ZNF792: variants seen among roughly 807,000 people sequenced by gnomAD.
ZNF792 encodes the protein zinc finger protein 792.
Under a neutral mutation model 13.1 loss-of-function variants are expected in ZNF792, and 14 were observed. That is an observed-to-expected ratio of 1.07 (90% CI 0.71 to 1.67). The LOEUF (loss-of-function observed/expected upper bound fraction) is 1.67. ZNF792 is among the 40% of genes most tolerant of loss of function. The pLI, the probability that ZNF792 is intolerant of heterozygous loss-of-function variation, is 0.00. For missense variants in ZNF792, 740 were observed against 807.9 expected, an observed-to-expected ratio of 0.92 and a Z score of 1.02; for synonymous variants, 257 against 292.0, an observed-to-expected ratio of 0.88 and a Z score of 1.22.
At chr19:34,960,555 C>G in intron 2 of ZNF792, 198 bp from the exon 3 acceptor site, 1 of 753,076 alleles carries the variant, frequency 1.3e-6, no homozygotes, top group Non-Finnish European at 2.1e-6. Flanking sequence ...AGAATCTAAA[C>G]CACAGAACTG....
chr19:34,963,714 G>C lies in ZNF792; in HGVS notation c.-52C>G. 4 of 1,522,722 alleles carry C rather than the reference G, an allele frequency of 2.6e-6. No homozygotes were observed. Among genetic ancestry groups the C allele is most frequent in the Non-Finnish European group, 3.5e-6 (4 of 1,137,248 alleles). 94.3% of individuals were successfully genotyped at this position (1,522,722 alleles called of 1,614,324 possible). A position where few individuals can be genotyped will look rare whatever the true frequency, so the allele number is the denominator to read the frequency against. ...CACGGTGCGGGAAACCACGGGGCGG[G>C]GGTAGGGGGTCTCGCAGGCTGAGGC... On this transcript the variant is annotated 5_prime_UTR_variant, in exon 1 of 4. Transcript: ENST00000404801.
At chr19:34,961,710 C>G (rs2013530310) in intron 1 of ZNF792, among the ~76,000 whole-genome samples, 1 of 152,104 alleles carries the variant, frequency 6.6e-6, no homozygotes, top group South Asian at 2.1e-4. Flanking sequence ...ATCACTCACA[C>G]TCATTTAAAA....
In ZNF792 at chr19:34,957,755, T is replaced by A; in HGVS notation, c.*201A>T. On this transcript the variant is annotated 3_prime_UTR_variant, in exon 4 of 4. Transcript: ENST00000404801. ...TCCCAAGGCTTCAGACTACTCCTAA[T>A]TCCCTTTAGGGATTGGAAAGAGAGA... The A allele has an allele frequency of 1.8e-6, 1 of 564,014 alleles. No individual in the cohort carries two copies. 34.9% of individuals were successfully genotyped at this position (564,014 alleles called of 1,614,324 possible).
At chr19:34,960,697 G>A in intron 2 of ZNF792, 171 bp downstream of exon 2, 4 of 1,016,878 alleles carry the variant, frequency 3.9e-6, no homozygotes, top group Non-Finnish European at 2.9e-6. Context: ...CTCAGGGAGA[G>A]GAGGGAACAA....
chr19:34,964,057 A>C lies in ZNF792; in HGVS notation c.-395T>G. 2 of 205,494 alleles carry C rather than the reference A, an allele frequency of 9.7e-6. No homozygotes were observed. The highest frequency in any genetic ancestry group is 9.7e-6 in the Non-Finnish European group (1 of 102,804). 12.7% of individuals were successfully genotyped at this position (205,494 alleles called of 1,614,324 possible). ...GGGGACTCAGCCTCCCCGCCGGGAA[A>C]TGACCTGCGAGGCTGCAGTGCAGGA... is the stretch of plus-strand genomic sequence containing the variant. On this transcript the variant is annotated 5_prime_UTR_variant, in exon 1 of 4. Transcript: ENST00000404801.
At position 34,960,290 on chromosome 19, in the gene ZNF792, G is replaced by A. The variant is rs762692813; in HGVS notation, c.228C>T (p.Asp76=). The part of the protein sequence containing the change: ...LEMGKEPWVP[D]SVDMTSAMAR... ...CCATGGCTGATGTCATATCCACACT[G>A]TCAGGCACCCAGGGCTCTTTCCCCA... Residue 76 remains aspartate, a synonymous_variant, in exon 3 of 4, where the codon GAC becomes GAT. Transcript: ENST00000404801. The A allele has an allele frequency of 1.2e-6, 2 of 1,613,820 alleles. No homozygotes were observed. The highest frequency in any genetic ancestry group is 2.2e-5 in the East Asian group (1 of 44,884).
chr19:34,958,856 G>A lies in ZNF792; in HGVS notation c.999C>T (p.Thr333=), dbSNP rs2651080. The A allele has an allele frequency of 6.2e-6, 10 of 1,613,592 alleles. No homozygotes were observed. The Admixed American group carries it at 6.7e-5, about 11-fold the overall frequency. Residue 333 remains threonine (T), a synonymous_variant, in exon 4 of 4, where the codon ACC becomes ACT. Transcript: ENST00000404801. ...CACCACACACGTGAGGGCTTTCACCGGTGTGAACCCTGCGATGTTTAACAA... is the reference window on the plus strand; with the variant it reads ...CACCACACACGTGAGGGCTTTCACCAGTGTGAACCCTGCGATGTTTAACAA... ...SSLVKHRRVH[T]GESPHVCGDC...
At chr19:34,963,590 G>C (rs1361571175) in intron 1 of ZNF792, 40 bp downstream of exon 1, 9 of 1,590,758 alleles carry the variant, frequency 5.7e-6, no homozygotes, top group African/African-American at 1.3e-5. Context: ...ACAGAAGCGT[G>C]GGGGGCCGAC....
chr19:34,959,999 C>T (rs777567057), intron 3 of ZNF792, among the ~76,000 whole-genome samples: 45 of 152,210 alleles, frequency 3.0e-4, no homozygotes, highest in South Asian at 4.2e-4. Flanking sequence ...TGGAAAGTGC[C>T]GCAGAGGAAG....
In ZNF792 at chr19:34,963,953, C is replaced by T; in HGVS notation, c.-291G>A. On this transcript the variant is annotated 5_prime_UTR_variant, in exon 1 of 4. Transcript: ENST00000404801. ...GGTCCCGGCCTCACTGTCCCCCTCGCGGTCCGGGAAAGCCGGCGGGGCAGC... is the reference window on the plus strand; with the variant it reads ...GGTCCCGGCCTCACTGTCCCCCTCGTGGTCCGGGAAAGCCGGCGGGGCAGC... 2.6e-6 allele frequency: 1 copy of T among 386,784 alleles called. No individual in the cohort carries two copies. Among genetic ancestry groups the T allele is most frequent in the Non-Finnish European group, 4.6e-6 (1 of 216,960 alleles). 24.0% of individuals were successfully genotyped at this position (386,784 alleles called of 1,614,324 possible).
intron 1 of ZNF792, among the ~76,000 whole-genome samples, chr19:34,961,847 C>A (rs1568553163): frequency 6.6e-6 from 1 of 152,204 alleles, no homozygotes; most frequent in Non-Finnish European, 1.5e-5. Flanking sequence ...TCAAGGGTCA[C>A]CACAGAAGCC....
chr19:34,962,655 G>A (rs887362588), intron 1 of ZNF792, among the ~76,000 whole-genome samples: 2 of 152,148 alleles, frequency 1.3e-5, no homozygotes, highest in African/African-American at 4.8e-5. Flanking sequence ...TTGTAGATAA[G>A]GGGGTTGGTT....
rs748788229 is a variant in ZNF792 at position 34,959,206 on chromosome 19, T to C, written c.649A>G (p.Lys217Glu). The change falls in exon 4 of 4, where the codon AAG (lysine) becomes GAG (glutamate). Residue 217 changes from lysine to glutamate, a missense_variant. Coordinates refer to ENST00000404801, the MANE Select transcript of ZNF792 (RefSeq NM_175872.5). ...AACCCTGCTGTGGCCACAAAGTCCT[T>C]CCCACCCTCCCTGCAGGTGGAAAGC... ...DQLSTCREGG[K>E]DFVATAGFLQ... 17 of 1,614,014 alleles carry C rather than the reference T, an allele frequency of 1.1e-5. No homozygotes were observed. In the East Asian group the frequency reaches 3.6e-4, roughly 34 times the overall value.
chr19:34,960,394 T>C lies in ZNF792; in HGVS notation c.161-37A>G, dbSNP rs770493964. Reference sequence around the variant, plus strand: ...ACAGAGTGGGTCAGTGGCCAGCACCTGCCCAGTTGAACTACCCCATGATAG... The same window carrying C: ...ACAGAGTGGGTCAGTGGCCAGCACCCGCCCAGTTGAACTACCCCATGATAG... On this transcript the variant is annotated intron_variant, in intron 2 of 3. Coordinates refer to ENST00000404801, the MANE Select transcript of ZNF792 (RefSeq NM_175872.5). The C allele has an allele frequency of 1.9e-6, 3 of 1,603,992 alleles. No individual in the cohort carries two copies. In the East Asian group the frequency reaches 6.7e-5, roughly 36 times the overall value.
chr19:34,959,505 G>A lies in ZNF792; in HGVS notation c.350C>T (p.Ala117Val). 1.3e-6 allele frequency: 2 copies of A among 1,598,194 alleles called. No homozygotes were observed. Among genetic ancestry groups the A allele is most frequent in the East Asian group, 2.2e-5 (1 of 44,676 alleles). ...SEHNVSVEGV[A>V]QDRSPEATLC... ...AGTTGCCTCGGGACTCCTGTCCTGTGCCACTCCTTCTACAGAAACGTTATG... is the reference window on the plus strand; with the variant it reads ...AGTTGCCTCGGGACTCCTGTCCTGTACCACTCCTTCTACAGAAACGTTATG... The change falls in exon 4 of 4, where the codon GCA (alanine) becomes GTA (valine). Residue 117 changes from alanine (A) to valine (V), a missense_variant. Transcript: ENST00000404801.
rs753166727 is a variant in ZNF792, at chr19:34,958,527, A to G, written c.1328T>C (p.Val443Ala). The G allele has an allele frequency of 6.3e-7, 1 of 1,595,546 alleles. No individual in the cohort carries two copies. Among genetic ancestry groups the G allele is most frequent in the South Asian group, 1.1e-5 (1 of 87,142 alleles). ...CCCGTGAGGCCGCTCGCCAGTGTGA[A>G]CTATCTGATGTTGAATGAGGCTGGC... The part of the protein sequence containing the change: ...HIASLIQHQI[V>A]HTGERPHGCG... The change falls in exon 4 of 4, where the codon GTT becomes GCT. Residue 443 changes from valine (V) to alanine (A), a missense_variant. Physicochemically the swap from Val to Ala is moderately conservative, Grantham distance 64. Transcript: ENST00000404801.
chr19:34,957,666 C>T lies in ZNF792; in HGVS notation c.*290G>A, dbSNP rs1359125597. The stretch of plus-strand genomic sequence containing the variant: ...GCTGTTGGCAAAACCCTGCTCAGGT[C>T]TTCACAGCCAAAAGCTGGTCATGTC... On this transcript the variant is annotated 3_prime_UTR_variant, in exon 4 of 4. Coordinates refer to ENST00000404801, the MANE Select transcript of ZNF792 (RefSeq NM_175872.5). 1 of 355,452 alleles carries T rather than the reference C, an allele frequency of 2.8e-6. No individual in the cohort carries two copies. The highest frequency in any genetic ancestry group is 2.1e-5 in the African/African-American group (1 of 47,728). The allele number at this position is 355,452 out of a possible 1,614,324, so 22.0% of individuals were successfully genotyped here.
chr19:34,963,711 C>G lies in ZNF792; in HGVS notation c.-49G>C. On this transcript the variant is annotated 5_prime_UTR_variant, in exon 1 of 4. Coordinates refer to ENST00000404801, the MANE Select transcript of ZNF792 (RefSeq NM_175872.5). ...CCCCACGGTGCGGGAAACCACGGGGCGGGGGTAGGGGGTCTCGCAGGCTGA... is the reference window on the plus strand; with the variant it reads ...CCCCACGGTGCGGGAAACCACGGGGGGGGGGTAGGGGGTCTCGCAGGCTGA... 1 of 1,535,160 alleles carries G rather than the reference C, an allele frequency of 6.5e-7. No individual in the cohort carries two copies. The highest frequency in any genetic ancestry group is 8.7e-7 in the Non-Finnish European group (1 of 1,143,634).
At chr19:34,962,620 G>T (rs927597325) in intron 1 of ZNF792, among the ~76,000 whole-genome samples, 7 of 152,176 alleles carry the variant, frequency 4.6e-5, no homozygotes, top group South Asian at 2.1e-4. Flanking sequence ...ACAGCAGGCT[G>T]GCTTCCTGCT....
Sources: allele counts gnomAD v4.1 joint callset (sites outside exome capture counted in the v4.1 genomes callset), GRCh38; gene constraint gnomAD v4.1.1; transcripts MANE v1.5; gene names NCBI Gene and HGNC (gene_info 2026-07-23, HGNC 2026-07-21).